The following MORC3 variants were observed in gnomAD, a reference collection of about 807,000 sequenced individuals.
MORC3 encodes MORC family CW-type zinc finger 3.
MORC3 carries 31 observed loss-of-function variants against 109.1 expected under a neutral mutation model. The observed-to-expected ratio is 0.28, with a 90% CI of 0.21 to 0.38. MORC3 has a LOEUF of 0.38. Among genes scored for constraint, MORC3 ranks in the 10% least tolerant of loss-of-function variants. The probability of loss-of-function intolerance (pLI) is 1.00; values close to 1 mark genes in which losing one functional copy is unlikely to be tolerated. For missense variants in MORC3, 867 were observed against 1,135.8 expected (o/e 0.76, Z 3.40); for synonymous variants, 395 against 380.7 (o/e 1.04, Z -0.44).
At chr21:36,322,175 A>G (rs2085201487) in intron 1 of MORC3, among the ~76,000 whole-genome samples, 3 of 152,270 alleles carry the variant, frequency 2.0e-5, no homozygotes, top group South Asian at 2.1e-4. Context: ...AAAAAGAAGA[A>G]TGTTTAGTGA....
chr21:36,352,047 T>C (rs2085578937), intron 9 of MORC3, among the ~76,000 whole-genome samples: 1 of 152,134 alleles, frequency 6.6e-6, no homozygotes, highest in Non-Finnish European at 1.5e-5. Flanking sequence ...CAGTACATGC[T>C]AAAAGAATAA....
chr21:36,331,010 T>C (rs1313639623), intron 1 of MORC3, among the ~76,000 whole-genome samples: 2 of 152,238 alleles, frequency 1.3e-5, no homozygotes, highest in Non-Finnish European at 2.9e-5. Flanking sequence ...TTCAGGATAC[T>C]GTTTCTCACT....
At chr21:36,340,210 G>A (rs1490405666) in intron 5 of MORC3, among the ~76,000 whole-genome samples, 9 of 151,670 alleles carry the variant, frequency 5.9e-5, no homozygotes, top group Non-Finnish European at 1.0e-4. Context: ...CCAGGGAGGC[G>A]GAGCTTGCAG....
At position 36,344,916 on chromosome 21, in the gene MORC3, A is replaced by T; in HGVS notation, c.890A>T (p.Lys297Ile). 2 of 1,610,630 alleles carry T rather than the reference A, an allele frequency of 1.2e-6. No individual in the cohort carries two copies. Among genetic ancestry groups the T allele is most frequent in the Non-Finnish European group, 1.7e-6 (2 of 1,179,124 alleles). ...RDVYRPKFLSKTVRITFGFNC... is the reference protein window; with the variant it reads ...RDVYRPKFLSITVRITFGFNC... ...AATTTACCTTAATATTTTAAGTCTA[A>T]AACAGTGAGAATTACCTTTGGATTC... Residue 297 changes from lysine (K) to isoleucine (I), a missense_variant, in exon 8 of 17, where the codon AAA (lysine) becomes ATA (isoleucine). Coordinates refer to ENST00000400485, the MANE Select transcript of MORC3 (RefSeq NM_015358.3).
At chr21:36,343,799 A>T (rs2085478404) in intron 6 of MORC3, among the ~76,000 whole-genome samples, 1 of 151,924 alleles carries the variant, frequency 6.6e-6, no homozygotes, top group Non-Finnish European at 1.5e-5. Context: ...CAAGCTGTGG[A>T]TGTATTTGTC....
At chr21:36,343,174 C>G (rs1173554375) in intron 6 of MORC3, among the ~76,000 whole-genome samples, 2 of 152,114 alleles carry the variant, frequency 1.3e-5, no homozygotes, top group East Asian at 2.0e-4. Flanking sequence ...TGGCTCACCA[C>G]AGCCTCCACC....
At chr21:36,329,003 A>ATAAC (rs2085282342) in intron 1 of MORC3, among the ~76,000 whole-genome samples, 1 of 151,840 alleles carries the variant, frequency 6.6e-6, no homozygotes. Context: ...GTTTTAAGAA[A>ATAAC]GTTTACAGGC....
At chr21:36,356,767 G>GAT (rs781297279) in intron 10 of MORC3, 43 bp downstream of exon 10, 8 of 1,260,802 alleles carry the variant, frequency 6.3e-6, no homozygotes, top group Non-Finnish European at 7.9e-6. Context: ...TAGATATCAA[G>GAT]ATGTGGTATT....
intron 5 of MORC3, among the ~76,000 whole-genome samples, chr21:36,339,902 G>A (rs561040155): frequency 1.6e-4 from 24 of 152,110 alleles, no homozygotes; most frequent in Non-Finnish European, 3.2e-4. Context: ...TGAGGTAATT[G>A]TAGATTCATG....
chr21:36,372,343 C>T, intron 15 of MORC3, 31 bp from the exon 16 acceptor site: 1 of 1,484,300 alleles, frequency 6.7e-7, no homozygotes, highest in African/African-American at 1.4e-5. Context: ...TTAAGTTTTA[C>T]AGTTATAAAG....
At chr21:36,339,626 T>G (rs2085417770) in intron 5 of MORC3, 1 of 151,986 alleles carries the variant, frequency 6.6e-6, no homozygotes, top group Non-Finnish European at 1.5e-5. Flanking sequence ...ATGAGAAAAG[T>G]AATATAGGTG....
chr21:36,364,162 G>C lies in MORC3; in HGVS notation c.1522G>C (p.Val508Leu). The C allele has an allele frequency of 6.2e-6, 10 of 1,614,072 alleles. No homozygotes were observed. Among genetic ancestry groups the C allele is most frequent in the East Asian group, 2.2e-5 (1 of 44,874 alleles). Residue 508 changes from valine to leucine, a missense_variant, in exon 14 of 17, where the codon GTT becomes CTT. Val to Leu is a conservative substitution (Grantham distance 32). This residue lies in a region of MORC3 where 486 missense variants were observed against 502.1 expected (regional missense o/e 0.97). Transcript: ENST00000400485. ...TPSFSSPKES[V>L]PRRHLSEGTN... ...AAGCTTTTCTTCTCCTAAGGAAAGTGTTCCAAGAAGACATCTTTCAGAAGG... is the reference window on the plus strand; with the variant it reads ...AAGCTTTTCTTCTCCTAAGGAAAGTCTTCCAAGAAGACATCTTTCAGAAGG...
rs2085831285 is a variant in MORC3, at chr21:36,369,678, A to G, written c.2310A>G (p.Val770=). ...NGKSESPDHM[V]SQYQQALEEI... Reference sequence around the variant, plus strand: ...AATCTGAAAGTCCAGACCATATGGTATCTCAGTATCAGCAAGCTTTGGAAG... The same window carrying G: ...AATCTGAAAGTCCAGACCATATGGTGTCTCAGTATCAGCAAGCTTTGGAAG... Residue 770 remains valine (V), a synonymous_variant, in exon 15 of 17, where the codon GTA becomes GTG. Coordinates refer to ENST00000400485, the MANE Select transcript of MORC3 (RefSeq NM_015358.3). 6.2e-7 allele frequency: 1 copy of G among 1,614,232 alleles called. No individual in the cohort carries two copies. Among genetic ancestry groups the G allele is most frequent in the Non-Finnish European group, 8.5e-7 (1 of 1,180,034 alleles).
In MORC3 at chr21:36,338,760, A is replaced by C; in HGVS notation, c.461-14A>C. The C allele has an allele frequency of 6.3e-7, 1 of 1,595,954 alleles. No individual in the cohort carries two copies. Among genetic ancestry groups the C allele is most frequent in the East Asian group, 2.2e-5 (1 of 44,496 alleles). ...AACTATGTTGTCAATCTGAGTCTTT[A>C]ACTTATGATATACGACAGATGATTA... On this transcript the variant is annotated splice_polypyrimidine_tract_variant and intron_variant, in intron 4 of 16. Transcript: ENST00000400485.
chr21:36,372,646 G>A, intron 16 of MORC3, 115 bp downstream of exon 16: 1 of 1,097,398 alleles, frequency 9.1e-7, no homozygotes, highest in Non-Finnish European at 1.2e-6. Flanking sequence ...GTTATTGATG[G>A]TCTGCTGTGA....
intron 9 of MORC3, among the ~76,000 whole-genome samples, chr21:36,354,273 T>C (rs2085615668): frequency 6.6e-6 from 1 of 151,738 alleles, no homozygotes; most frequent in Admixed American, 6.6e-5. Flanking sequence ...TTATACACTG[T>C]AATTTCTGTC....
chr21:36,329,028 C>T lies in MORC3; in HGVS notation c.40-4618C>T, dbSNP rs530662860. Among the ~76,000 whole-genome samples, 9 of 152,168 alleles carry T rather than the reference C, an allele frequency of 5.9e-5. No individual in the cohort carries two copies. The South Asian group carries it at 8.3e-4, about 14-fold the overall frequency. On this transcript the variant is annotated intron_variant, in intron 1 of 16. Transcript: ENST00000400485. ...AGTTTACAGGCCGGGCAGGGTGGCT[C>T]ATGCCTGTAATCCCAGCACTTTGGG...
intron 15 of MORC3, among the ~76,000 whole-genome samples, chr21:36,370,579 C>A (rs2085844568): frequency 7.2e-6 from 1 of 139,444 alleles, no homozygotes; most frequent in Admixed American, 7.4e-5. Context: ...CTGACTTATC[C>A]CTTTTAAAAT....
chr21:36,337,118 C>T, intron 3 of MORC3, 112 bp downstream of exon 3: 2 of 1,244,810 alleles, frequency 1.6e-6, no homozygotes, highest in Non-Finnish European at 2.2e-6. Flanking sequence ...GCTGTATGTA[C>T]AGTGTGAGCT....
Sources: allele counts gnomAD v4.1 joint callset (sites outside exome capture counted in the v4.1 genomes callset), GRCh38; gene constraint gnomAD v4.1.1; regional missense constraint gnomAD v4.1.1; transcripts MANE v1.5; gene names NCBI Gene and HGNC (gene_info 2026-07-23, HGNC 2026-07-21).